The following MGP variants were observed in gnomAD, a reference collection of about 807,000 sequenced individuals.
The protein encoded by MGP is cell growth-inhibiting gene 36 protein.
In MGP, 13 loss-of-function variants were observed where a neutral mutation model predicts 14.5. The ratio of observed to expected loss-of-function variants is 0.89; its 90% CI spans 0.58 to 1.42. MGP has a LOEUF of 1.42. Among genes scored for constraint, MGP ranks in the 40% most tolerant of loss-of-function variants. The pLI, the probability that MGP is intolerant of heterozygous loss-of-function variation, is 0.00. For synonymous variants in MGP, 44 were observed against 46.3 expected, an observed-to-expected ratio of 0.95 and a Z score of 0.20; for missense variants, 128 against 133.7, an observed-to-expected ratio of 0.96 and a Z score of 0.21.
At chr12:14,884,936 G>T (rs1202748562) in intron 1 of MGP, 1 of 1,469,168 alleles carries the variant, frequency 6.8e-7, no homozygotes, top group Non-Finnish European at 9.1e-7. Flanking sequence ...ATTAATATTT[G>T]CCAGCAAGTG....
chr12:14,885,075 A>C (rs1863424627), intron 1 of MGP, among the ~76,000 whole-genome samples: 1 of 152,220 alleles, frequency 6.6e-6, no homozygotes, highest in East Asian at 1.9e-4. Flanking sequence ...AACAATGAAA[A>C]TATCTAGGTA....
At chr12:14,882,677 CA>C (rs1264583267) in intron 3 of MGP, among the ~76,000 whole-genome samples, 4 of 139,754 alleles carry the variant, frequency 2.9e-5, no homozygotes, top group Non-Finnish European at 3.1e-5. Flanking sequence ...ACCAACCAAC[CA>C]AAAAAAAAAC....
chr12:14,882,354 A>T (rs771879992), intron 3 of MGP, 74 bp from the exon 4 acceptor site: 2 of 1,526,646 alleles, frequency 1.3e-6, no homozygotes. Flanking sequence ...AGAAGAAGAA[A>T]ATATTGGAGA....
intron 3 of MGP, 118 bp from the exon 4 acceptor site, chr12:14,882,398 T>G (rs1029566348): frequency 9.3e-6 from 12 of 1,289,762 alleles, no homozygotes; most frequent in Admixed American, 3.6e-5. Flanking sequence ...TATTAAGAGA[T>G]ATTTAAAGAA....
At chr12:14,883,328 C>T (rs1863402367) in intron 2 of MGP, 2 of 405,682 alleles carry the variant, frequency 4.9e-6, no homozygotes, top group Non-Finnish European at 9.2e-6. Context: ...TGTATTTCTA[C>T]TTGGTAGATT....
At chr12:14,884,654 G>A (rs1470042390) in intron 1 of MGP, among the ~76,000 whole-genome samples, 1 of 152,190 alleles carries the variant, frequency 6.6e-6, no homozygotes, top group African/African-American at 2.4e-5. Flanking sequence ...GATTAAGAAG[G>A]ATCCAGAAGA....
intron 3 of MGP, among the ~76,000 whole-genome samples, chr12:14,882,706 A>G (rs1257358691): frequency 7.7e-6 from 1 of 130,144 alleles, no homozygotes; most frequent in Non-Finnish European, 1.6e-5. Flanking sequence ...GGAAGGCAGA[A>G]CAGGAGATTT....
chr12:14,882,846 G>T, intron 3 of MGP, 126 bp downstream of exon 3: 1 of 710,758 alleles, frequency 1.4e-6, no homozygotes, highest in Non-Finnish European at 2.5e-6. Context: ...TTGCTTTTAA[G>T]TTTTTTGATT....
intron 2 of MGP, 71 bp from the exon 3 acceptor site, chr12:14,883,118 G>T: frequency 8.4e-7 from 1 of 1,193,990 alleles, no homozygotes. Context: ...AATATTCCTT[G>T]ACACAAATAT....
Position 14,884,722 on chromosome 12 carries a change from G to T in MGP, c.62-477C>A. ...GGCAGTTGCTCTGCTGGGCTTACTA[G>T]GGCAGGTTTCTAAGAGGGTTCCGAA... On this transcript the variant is annotated intron_variant, in intron 1 of 3. Coordinates refer to ENST00000539261, the MANE Select transcript of MGP (RefSeq NM_000900.5). 5 of 1,116,384 alleles carry T rather than the reference G, an allele frequency of 4.5e-6. No individual in the cohort carries two copies. In the South Asian group the frequency reaches 4.9e-5, roughly 11 times the overall value. 69.2% of individuals were successfully genotyped at this position (1,116,384 alleles called of 1,614,324 possible).
chr12:14,882,118 A>C lies in MGP; in HGVS notation c.*21T>G. 1 of 1,613,060 alleles carries C rather than the reference A, an allele frequency of 6.2e-7. No homozygotes were observed. Among genetic ancestry groups the C allele is most frequent in the Non-Finnish European group, 8.5e-7 (1 of 1,179,340 alleles). ...GGTGCCAGCCTCCAGAAAAAAAGAG[A>C]TTTTTTTTCTTCCCTCAGTCTCATT... On this transcript the variant is annotated 3_prime_UTR_variant, in exon 4 of 4. Coordinates refer to ENST00000539261, the MANE Select transcript of MGP (RefSeq NM_000900.5).
intron 2 of MGP, 157 bp from the exon 3 acceptor site, chr12:14,883,204 T>G: frequency 1.2e-5 from 8 of 644,710 alleles, no homozygotes; most frequent in Non-Finnish European, 2.3e-5. Context: ...TAAAGTAGAT[T>G]TCATTAACTT....
chr12:14,884,354 G>C, intron 1 of MGP, 109 bp from the exon 2 acceptor site: 1 of 737,454 alleles, frequency 1.4e-6, no homozygotes, highest in Non-Finnish European at 2.1e-6. Context: ...GATGGAAGAA[G>C]AGGAAAGAGT....
chr12:14,884,320 A>C (rs772338103), intron 1 of MGP, 75 bp from the exon 2 acceptor site: 1 of 1,017,244 alleles, frequency 9.8e-7, no homozygotes. Context: ...ATCAATTTAG[A>C]CACTGTGATA....
At chr12:14,885,590 C>T in intron 1 of MGP, 141 bp downstream of exon 1, 1 of 727,360 alleles carries the variant, frequency 1.4e-6, no homozygotes, top group Non-Finnish European at 2.5e-6. Context: ...TCTGCGGAGA[C>T]TGGGAAATGT....
At chr12:14,884,665 C>A in intron 1 of MGP, 1 of 587,786 alleles carries the variant, frequency 1.7e-6, no homozygotes, top group Non-Finnish European at 2.9e-6. Flanking sequence ...ATCCAGAAGA[C>A]AGCCAGGTTT....
chr12:14,885,497 A>G (rs1863428323), intron 1 of MGP, among the ~76,000 whole-genome samples: 1 of 152,254 alleles, frequency 6.6e-6, no homozygotes, highest in African/African-American at 2.4e-5. Flanking sequence ...ACAGAGACTT[A>G]CCACTGAACG....
Position 14,885,574 on chromosome 12 carries a change from T to A in MGP, c.61+157A>T, listed in dbSNP as rs1018707772. 10 of 702,254 alleles carry A rather than the reference T, an allele frequency of 1.4e-5. No individual in the cohort carries two copies. In the African/African-American group the frequency reaches 1.8e-4, roughly 12 times the overall value. The allele number at this position is 702,254 out of a possible 1,614,324, so 43.5% of individuals were successfully genotyped here. A position where few individuals can be genotyped will look rare whatever the true frequency, so the allele number is the denominator to read the frequency against. On this transcript the variant is annotated intron_variant, in intron 1 of 3. Coordinates refer to ENST00000539261, the MANE Select transcript of MGP (RefSeq NM_000900.5). ...TATAAAAAAGACTTAATAGAACAGA[T>A]CAGTTTCTGCGGAGACTGGGAAATG...
At chr12:14,884,380 A>G (rs1008241521) in intron 1 of MGP, 135 bp from the exon 2 acceptor site, 3 of 641,644 alleles carry the variant, frequency 4.7e-6, no homozygotes, top group Non-Finnish European at 7.5e-6. Flanking sequence ...AACATGAAGA[A>G]TATATTTAGC....
Sources: gnomAD v4.1 joint callset for allele counts (sites outside exome capture counted in the v4.1 genomes callset) on GRCh38, gnomAD v4.1.1 for gene constraint, MANE v1.5 for transcripts, NCBI Gene and HGNC (gene_info 2026-07-23, HGNC 2026-07-21) for gene names.